WDPCP: variants seen among roughly 807,000 people sequenced by gnomAD.
WDPCP encodes WD repeat-containing and planar cell polarity effector protein fritz homolog.
A neutral mutation model predicts 93.1 loss-of-function variants in WDPCP; 71 were observed. That is an observed-to-expected ratio of 0.76 (90% CI 0.63 to 0.93). The LOEUF (loss-of-function observed/expected upper bound fraction) is 0.93. WDPCP is among the 40% of genes least tolerant of loss of function. WDPCP has a pLI of 0.00. For missense variants in WDPCP, 844 were observed against 887.4 expected (o/e 0.95, Z 0.62); for synonymous variants, 315 against 315.0 (o/e 1.00, Z 0.00).
chr2:63,180,525 A>G (rs1327070096), intron 14 of WDPCP, among the ~76,000 whole-genome samples: 2 of 152,154 alleles, frequency 1.3e-5, no homozygotes, highest in Non-Finnish European at 1.5e-5. Context: ...TTATTCTTTT[A>G]TATGGCTGAG....
chr2:63,215,868 A>AAAAC (rs1677286857), intron 14 of WDPCP, among the ~76,000 whole-genome samples: 2 of 151,386 alleles, frequency 1.3e-5, no homozygotes, highest in Non-Finnish European at 3.0e-5. Flanking sequence ...TTACAAGAAA[A>AAAAC]AAACAACCCC....
Position 63,253,048 on chromosome 2 carries a change from T to C in WDPCP, c.1915+6259A>G, listed in dbSNP as rs977737171. Reference sequence around the variant, plus strand: ...GTCTGCAGTAACCAAAACAACATAGTAGTAGTACAAAAACAGACACAGAGA... The same window carrying C: ...GTCTGCAGTAACCAAAACAACATAGCAGTAGTACAAAAACAGACACAGAGA... On this transcript the variant is annotated intron_variant, in intron 14 of 17. Coordinates refer to ENST00000272321, the MANE Select transcript of WDPCP (RefSeq NM_015910.7). Among the ~76,000 whole-genome samples the C allele has an allele frequency of 3.3e-5, 5 of 152,038 alleles. No homozygotes were observed. The East Asian group carries it at 9.6e-4, about 29-fold the overall frequency.
At chr2:63,238,730 T>A (rs1679617187) in intron 14 of WDPCP, among the ~76,000 whole-genome samples, 1 of 152,176 alleles carries the variant, frequency 6.6e-6, no homozygotes, top group African/African-American at 2.4e-5. Context: ...GAATAGTATA[T>A]GTGAAAGTAA....
At chr2:63,225,581 T>C (rs1678224149) in intron 14 of WDPCP, among the ~76,000 whole-genome samples, 1 of 151,872 alleles carries the variant, frequency 6.6e-6, no homozygotes, top group African/African-American at 2.4e-5. Flanking sequence ...TGCAGGATAA[T>C]ATTTATAATA....
chr2:63,423,401 T>C (rs1248301366), intron 9 of WDPCP, among the ~76,000 whole-genome samples: 3 of 152,310 alleles, frequency 2.0e-5, no homozygotes, highest in East Asian at 1.9e-4. Flanking sequence ...GTTGGTTACA[T>C]TATTACTTTC....
chr2:63,153,618 G>T (rs1016787249), intron 15 of WDPCP, 44 bp from the exon 16 acceptor site: 2 of 1,465,962 alleles, frequency 1.4e-6, no homozygotes, highest in African/African-American at 1.4e-5. Context: ...GATTAAAAAA[G>T]AAAATTTTAA....
intron 1 of WDPCP, among the ~76,000 whole-genome samples, chr2:63,814,686 A>G (rs1670906057): frequency 6.6e-6 from 1 of 152,248 alleles, no homozygotes; most frequent in Non-Finnish European, 1.5e-5. Context: ...AAATGACTTT[A>G]AAATGCCTAT....
intron 2 of WDPCP, among the ~76,000 whole-genome samples, chr2:63,705,810 G>A (rs1669142838): frequency 1.3e-5 from 2 of 150,248 alleles, no homozygotes; most frequent in Non-Finnish European, 3.0e-5. Flanking sequence ...ATGTCTATTA[G>A]GTCTGCTTGG....
intron 2 of WDPCP, among the ~76,000 whole-genome samples, chr2:63,696,217 T>C (rs1668958967): frequency 2.0e-5 from 3 of 152,188 alleles, no homozygotes; most frequent in South Asian, 2.1e-4. Context: ...GTTTGGTTGA[T>C]GACACCTGAG....
chr2:63,727,595 C>T (rs113845994), intron 2 of WDPCP, among the ~76,000 whole-genome samples: 1 of 152,136 alleles, frequency 6.6e-6, no homozygotes, highest in Non-Finnish European at 1.5e-5. Flanking sequence ...CCCTTCTCCT[C>T]TATTTTTCTG....
intron 12 of WDPCP, among the ~76,000 whole-genome samples, chr2:63,325,214 A>C (rs1383804787): frequency 6.6e-6 from 1 of 152,212 alleles, no homozygotes; most frequent in African/African-American, 2.4e-5. Context: ...GAGAGAACAG[A>C]AAATGGAGCA....
intron 12 of WDPCP, among the ~76,000 whole-genome samples, chr2:63,349,938 T>C (rs928257885): frequency 7.2e-5 from 11 of 152,144 alleles, no homozygotes; most frequent in African/African-American, 2.7e-4. Context: ...AAGACTGAAA[T>C]GGAAGAATTC....
At chr2:63,712,827 G>C (rs1189818513) in intron 2 of WDPCP, among the ~76,000 whole-genome samples, 2 of 152,172 alleles carry the variant, frequency 1.3e-5, no homozygotes, top group Non-Finnish European at 2.9e-5. Context: ...CACCCAAGTT[G>C]CCCTGCCTGC....
intron 2 of WDPCP, among the ~76,000 whole-genome samples, chr2:63,694,791 A>T (rs1668940627): frequency 6.6e-6 from 1 of 152,158 alleles, no homozygotes; most frequent in Non-Finnish European, 1.5e-5. Flanking sequence ...ACATTGTTGG[A>T]GAGGAAAATG....
At chr2:63,483,244 G>A (rs772792526) in intron 6 of WDPCP, among the ~76,000 whole-genome samples, 5 of 151,872 alleles carry the variant, frequency 3.3e-5, no homozygotes, top group Non-Finnish European at 5.9e-5. Context: ...TTTTTAACGT[G>A]AGTAATGGCA....
intron 2 of WDPCP, among the ~76,000 whole-genome samples, chr2:63,751,414 CA>C (rs950205148): frequency 7.6e-4 from 113 of 148,158 alleles, no homozygotes; most frequent in South Asian, 3.2e-3. Flanking sequence ...AGCATGGGTG[CA>C]AAAAAAAAAT....
intron 12 of WDPCP, among the ~76,000 whole-genome samples, chr2:63,333,673 C>T (rs1688144640): frequency 6.6e-6 from 1 of 152,148 alleles, no homozygotes. Context: ...TTTGAGTTGT[C>T]CTGCCTTTCT....
intron 9 of WDPCP, among the ~76,000 whole-genome samples, chr2:63,429,976 T>TACACACACACACACAC (rs199517613): frequency 2.9e-5 from 4 of 137,342 alleles, no homozygotes; most frequent in Admixed American, 1.5e-4. Context: ...GAAAATGTTA[T>TACACACACACACACAC]ACACACACAC....
intron 13 of WDPCP, among the ~76,000 whole-genome samples, chr2:63,302,225 T>C (rs1010319267): frequency 2.6e-5 from 4 of 152,280 alleles, no homozygotes; most frequent in African/African-American, 9.6e-5. Flanking sequence ...GTTAGGCTGC[T>C]CCTAAGCCAA....
Sources: gnomAD v4.1 joint callset for allele counts (sites outside exome capture counted in the v4.1 genomes callset) on GRCh38, gnomAD v4.1.1 for gene constraint, MANE v1.5 for transcripts, NCBI Gene and HGNC (gene_info 2026-07-23, HGNC 2026-07-21) for gene names.